The following ST6GALNAC3 variants were observed in gnomAD, a reference collection of about 807,000 sequenced individuals.
ST6GALNAC3 encodes the protein ST6 N-acetylgalactosaminide alpha-2,6-sialyltransferase 3.
Under a neutral mutation model 32.7 loss-of-function variants are expected in ST6GALNAC3, and 25 were observed. The observed-to-expected ratio is 0.76, with a 90% confidence interval of 0.56 to 1.07. ST6GALNAC3 has a LOEUF of 1.07. Among genes scored for constraint, ST6GALNAC3 ranks in the 50% least tolerant of loss-of-function variants. ST6GALNAC3 has a pLI of 0.00. For synonymous variants in ST6GALNAC3, 129 were observed against 133.1 expected, an observed-to-expected ratio of 0.97 and a Z score of 0.21; for missense variants, 355 against 382.4, an observed-to-expected ratio of 0.93 and a Z score of 0.60.
chr1:76,611,710 A>T (rs1647944852), intron 3 of ST6GALNAC3, among the ~76,000 whole-genome samples: 1 of 152,208 alleles, frequency 6.6e-6, no homozygotes, highest in Non-Finnish European at 1.5e-5. Flanking sequence ...AATAATAATC[A>T]AAGGAAAATT....
At chr1:76,580,866 C>T (rs1381515047) in intron 3 of ST6GALNAC3, among the ~76,000 whole-genome samples, 1 of 151,910 alleles carries the variant, frequency 6.6e-6, no homozygotes, top group African/African-American at 2.4e-5. Context: ...CAATAGGAAA[C>T]TGTCCCTTGA....
At chr1:76,193,122 T>C (rs910463145) in intron 1 of ST6GALNAC3, among the ~76,000 whole-genome samples, 3 of 151,962 alleles carry the variant, frequency 2.0e-5, no homozygotes, top group African/African-American at 7.3e-5. Context: ...GTAGAAAAAA[T>C]ATCTAATAAT....
chr1:76,422,651 G>A (rs1655101955), intron 3 of ST6GALNAC3, among the ~76,000 whole-genome samples: 2 of 151,954 alleles, frequency 1.3e-5, no homozygotes, highest in African/African-American at 4.8e-5. Context: ...CTTGGATTGA[G>A]GCCCAAGAGT....
Position 76,194,273 on chromosome 1 carries a change from A to G in ST6GALNAC3, c.18+119389A>G, listed in dbSNP as rs546516204. ...AGAAATGTAATCTGAGATATAGAGTACGAGCTTAAAGGACTATTATATATG... is the reference window on the plus strand; with the variant it reads ...AGAAATGTAATCTGAGATATAGAGTGCGAGCTTAAAGGACTATTATATATG... On this transcript the variant is annotated intron_variant, in intron 1 of 4. Coordinates refer to ENST00000328299, the MANE Select transcript of ST6GALNAC3 (RefSeq NM_152996.4). Among the ~76,000 whole-genome samples the G allele has an allele frequency of 2.4e-4, 37 of 152,322 alleles. No homozygotes were observed. In the South Asian group the frequency reaches 7.5e-3, roughly 31 times the overall value.
intron 3 of ST6GALNAC3, among the ~76,000 whole-genome samples, chr1:76,546,793 A>G (rs1371461180): frequency 6.6e-6 from 1 of 152,218 alleles, no homozygotes; most frequent in African/African-American, 2.4e-5. Context: ...GCAGAAGGGC[A>G]CGGAATAACA....
chr1:76,211,092 C>A (rs1162740898), intron 1 of ST6GALNAC3, among the ~76,000 whole-genome samples: 1 of 152,232 alleles, frequency 6.6e-6, no homozygotes, highest in African/African-American at 2.4e-5. Flanking sequence ...CTCACTTACT[C>A]TTAATTACTT....
chr1:76,117,134 G>T (rs1381405989), intron 1 of ST6GALNAC3, among the ~76,000 whole-genome samples: 1 of 152,026 alleles, frequency 6.6e-6, no homozygotes, highest in Non-Finnish European at 1.5e-5. Flanking sequence ...TGTCACTAAT[G>T]TAAAATTATT....
intron 2 of ST6GALNAC3, among the ~76,000 whole-genome samples, chr1:76,341,625 CTTT>C (rs1157399327): frequency 3.2e-5 from 4 of 126,126 alleles, no homozygotes; most frequent in Non-Finnish European, 6.5e-5. Flanking sequence ...TTCTTTCTTT[CTTT>C]CTTTCTTTCT....
chr1:76,132,202 A>G (rs1349209659), intron 1 of ST6GALNAC3, among the ~76,000 whole-genome samples: 1 of 152,214 alleles, frequency 6.6e-6, no homozygotes, highest in Non-Finnish European at 1.5e-5. Flanking sequence ...GCCCTACCCC[A>G]ATCATTCTTT....
chr1:76,282,374 T>C (rs1293796468), intron 1 of ST6GALNAC3, among the ~76,000 whole-genome samples: 1 of 152,182 alleles, frequency 6.6e-6, no homozygotes, highest in African/African-American at 2.4e-5. Flanking sequence ...AATTATACTA[T>C]ACTTAATCTT....
intron 1 of ST6GALNAC3, among the ~76,000 whole-genome samples, chr1:76,215,673 G>A (rs1004671827): frequency 6.6e-6 from 1 of 152,158 alleles, no homozygotes; most frequent in African/African-American, 2.4e-5. Flanking sequence ...AAGAGTGTGG[G>A]GACAGTGAGT....
At chr1:76,316,319 G>A (rs1430464025) in intron 2 of ST6GALNAC3, among the ~76,000 whole-genome samples, 1 of 152,108 alleles carries the variant, frequency 6.6e-6, no homozygotes. Flanking sequence ...CCCGTGCACT[G>A]GAAGGCATGG....
At chr1:76,291,868 T>A (rs1340849695) in intron 1 of ST6GALNAC3, among the ~76,000 whole-genome samples, 3 of 152,242 alleles carry the variant, frequency 2.0e-5, no homozygotes, top group African/African-American at 7.2e-5. Context: ...TGTGTGAATG[T>A]CACATTACAT....
rs1025185240 is a variant in ST6GALNAC3, at chr1:76,630,400, A to T, written c.*1594A>T. ...GGACAACAGGAGGAAATGAAGGCAGAGAAATATAGTTTCCTTTCCTAGGAT... is the reference window on the plus strand; with the variant it reads ...GGACAACAGGAGGAAATGAAGGCAGTGAAATATAGTTTCCTTTCCTAGGAT... On this transcript the variant is annotated 3_prime_UTR_variant, in exon 5 of 5. Coordinates refer to ENST00000328299, the MANE Select transcript of ST6GALNAC3 (RefSeq NM_152996.4). 32 of 985,152 alleles carry T rather than the reference A, an allele frequency of 3.2e-5. No homozygotes were observed. Among genetic ancestry groups the T allele is most frequent in the Non-Finnish European group, 3.6e-5 (30 of 829,854 alleles). 61.0% of individuals were successfully genotyped at this position (985,152 alleles called of 1,614,324 possible).
chr1:76,331,379 T>C (rs1363333912), intron 2 of ST6GALNAC3, among the ~76,000 whole-genome samples: 2 of 152,194 alleles, frequency 1.3e-5, no homozygotes, highest in Non-Finnish European at 2.9e-5. Flanking sequence ...TGTATTCCTA[T>C]TTACAGTCAC....
intron 2 of ST6GALNAC3, among the ~76,000 whole-genome samples, chr1:76,365,098 A>G (rs1263786637): frequency 6.6e-6 from 1 of 152,256 alleles, no homozygotes; most frequent in Admixed American, 6.5e-5. Flanking sequence ...AGTGGATTGG[A>G]TAAAGAAAAT....
chr1:76,303,050 A>G (rs939882539), intron 1 of ST6GALNAC3, among the ~76,000 whole-genome samples: 3 of 101,944 alleles, frequency 2.9e-5, no homozygotes, highest in African/African-American at 8.1e-5. Context: ...AACCAGTCCG[A>G]TTGGTTGCAG....
intron 1 of ST6GALNAC3, among the ~76,000 whole-genome samples, chr1:76,255,587 G>T (rs1657874828): frequency 6.6e-6 from 1 of 152,092 alleles, no homozygotes; most frequent in Non-Finnish European, 1.5e-5. Context: ...AAATTTAAAT[G>T]CAGTTAAGTG....
At chr1:76,499,650 C>A (rs1045455814) in intron 3 of ST6GALNAC3, among the ~76,000 whole-genome samples, 1 of 152,102 alleles carries the variant, frequency 6.6e-6, no homozygotes. Flanking sequence ...AAACATTTCC[C>A]TTGCTGATTT....
Sources: allele counts gnomAD v4.1 joint callset (sites outside exome capture counted in the v4.1 genomes callset), GRCh38; gene constraint gnomAD v4.1.1; transcripts MANE v1.5; gene names NCBI Gene and HGNC (gene_info 2026-07-23, HGNC 2026-07-21).